GC: variants seen among roughly 807,000 people sequenced by gnomAD.
The protein encoded by GC is vitamin D-binding protein.
Under a neutral mutation model 56.7 loss-of-function variants are expected in GC, and 43 were observed. The ratio of observed to expected loss-of-function variants is 0.76; its 90% CI spans 0.59 to 0.98. The LOEUF (loss-of-function observed/expected upper bound fraction) is 0.98. Among genes scored for constraint, GC ranks in the 50% least tolerant of loss-of-function variants. The probability of loss-of-function intolerance (pLI) is 0.00; values close to 1 mark genes in which losing one functional copy is unlikely to be tolerated. For missense variants in GC, 529 were observed against 545.9 expected (o/e 0.97, Z 0.31); for synonymous variants, 216 against 202.7 (o/e 1.07, Z -0.56).
At chr4:71,766,389 A>C (rs1245570569) in intron 3 of GC, among the ~76,000 whole-genome samples, 4 of 152,160 alleles carry the variant, frequency 2.6e-5, no homozygotes, top group Admixed American at 1.3e-4. Context: ...TGATACACTG[A>C]TACCTGTGAG....
intron 12 of GC, among the ~76,000 whole-genome samples, chr4:71,744,448 G>C (rs1319653526): frequency 6.4e-4 from 44 of 68,584 alleles, no homozygotes; most frequent in African/African-American, 2.0e-3. Flanking sequence ...GACAGAGCGA[G>C]ACTCCATCTC....
chr4:71,791,992 A>T (rs1467231077), intron 1 of GC, among the ~76,000 whole-genome samples: 1 of 152,188 alleles, frequency 6.6e-6, no homozygotes, highest in East Asian at 1.9e-4. Context: ...AAAGGATATG[A>T]ACTCATCCTT....
chr4:71,766,745 A>C (rs927680412), intron 3 of GC, among the ~76,000 whole-genome samples: 1 of 152,072 alleles, frequency 6.6e-6, no homozygotes, highest in African/African-American at 2.4e-5. Context: ...TTTTCATCCT[A>C]TCTCTCTTTT....
chr4:71,776,998 G>A (rs1742527729), intron 1 of GC, among the ~76,000 whole-genome samples: 1 of 151,764 alleles, frequency 6.6e-6, no homozygotes, highest in East Asian at 1.9e-4. Context: ...CCATTTAAAT[G>A]CATTTGAAGT....
upstream of GC, chr4:71,804,183 A>C: frequency 1.8e-6 from 1 of 560,112 alleles, no homozygotes; most frequent in East Asian, 3.0e-5. Flanking sequence ...TGCAGTGTAA[A>C]AGCAGCTAGG....
At chr4:71,751,411 T>C (rs1378971560) in intron 11 of GC, among the ~76,000 whole-genome samples, 1 of 152,190 alleles carries the variant, frequency 6.6e-6, no homozygotes, top group Non-Finnish European at 1.5e-5. Context: ...CTGTGGTTTA[T>C]AGGAGAAAAC....
At chr4:71,742,992 G>A (rs1449410779) in intron 12 of GC, among the ~76,000 whole-genome samples, 2 of 152,068 alleles carry the variant, frequency 1.3e-5, no homozygotes, top group East Asian at 1.9e-4. Context: ...CAGGGTGGGG[G>A]GTAAGAGACA....
At chr4:71,780,315 T>C (rs967939377) in intron 1 of GC, among the ~76,000 whole-genome samples, 5 of 152,094 alleles carry the variant, frequency 3.3e-5, no homozygotes, top group Admixed American at 6.6e-5. Flanking sequence ...ATTCAGGACA[T>C]AGGTGTGGAC....
rs369407688 is a variant in GC at position 71,797,667 on chromosome 4, T to A, written c.21+6259A>T. ...CCGCCCTGCTTTGGCTCGCCCTCCA[T>A]GGGCAGCACCCACTGTCCAACCAGT... On this transcript the variant is annotated intron_variant, in intron 1 of 13. Transcript: ENST00000504199. Among the ~76,000 whole-genome samples, 6 of 152,348 alleles carry A rather than the reference T, an allele frequency of 3.9e-5. No homozygotes were observed. The East Asian group carries it at 1.2e-3, about 29-fold the overall frequency.
chr4:71,768,590 C>T (rs560030979), intron 2 of GC, among the ~76,000 whole-genome samples, 157 bp from the exon 3 acceptor site: 16 of 152,198 alleles, frequency 1.1e-4, no homozygotes, highest in Admixed American at 2.0e-4. Context: ...CTCAGCCTCC[C>T]GAGTAGCTGG....
At chr4:71,750,635 A>G (rs1741518436) in intron 11 of GC, among the ~76,000 whole-genome samples, 1 of 152,182 alleles carries the variant, frequency 6.6e-6, no homozygotes, top group African/African-American at 2.4e-5. Flanking sequence ...CTGTAATCTC[A>G]GCACTTTGGG....
Position 71,755,170 on chromosome 4 carries a change from A to T in GC, c.1035-63T>A, listed in dbSNP as rs1199389303. 5.3e-6 allele frequency: 4 copies of T among 756,260 alleles called. No individual in the cohort carries two copies. The African/African-American group carries it at 5.6e-5, about 11-fold the overall frequency. The allele number at this position is 756,260 out of a possible 1,614,324, so 46.8% of individuals were successfully genotyped here. ...TTCCTATTTATTTATTTATTTATTT[A>T]TTTATTTTTTGTGACAGAGTCTCCC... is the stretch of plus-strand genomic sequence containing the variant. On this transcript the variant is annotated intron_variant, in intron 8 of 12. Coordinates refer to ENST00000273951, the MANE Select transcript of GC (RefSeq NM_000583.4).
At chr4:71,773,711 A>T (rs1397421552) in intron 1 of GC, among the ~76,000 whole-genome samples, 2 of 152,020 alleles carry the variant, frequency 1.3e-5, no homozygotes, top group African/African-American at 4.8e-5. Flanking sequence ...AATATCATTG[A>T]CATAAATAAG....
At chr4:71,743,342 T>A (rs1578274865) in intron 12 of GC, among the ~76,000 whole-genome samples, 1 of 152,298 alleles carries the variant, frequency 6.6e-6, no homozygotes, top group East Asian at 1.9e-4. Context: ...CTAAACAATG[T>A]GCCACTTCTG....
chr4:71,765,609 T>G lies in GC; in HGVS notation c.296A>C (p.Asn99Thr), dbSNP rs1248348301. 1.2e-6 allele frequency: 2 copies of G among 1,613,338 alleles called. No individual in the cohort carries two copies. The highest frequency in any genetic ancestry group is 1.7e-6 in the Non-Finnish European group (2 of 1,179,650). Residue 99 changes from asparagine to threonine, a missense_variant, in exon 4 of 13, where the codon AAT becomes ACT. Asn to Thr is a moderately conservative substitution (Grantham distance 65, BLOSUM62 0). Coordinates refer to ENST00000273951, the MANE Select transcript of GC (RefSeq NM_000583.4). ...SALSAKSCES[N>T]SPFPVHPGTA... Reference sequence around the variant, plus strand: ...GCCTGGGTGAACGGGGAATGGAGAATTACTTTCACAGGACTTGGCAGACAG... The same window carrying G: ...GCCTGGGTGAACGGGGAATGGAGAAGTACTTTCACAGGACTTGGCAGACAG...
At chr4:71,765,959 A>G (rs1367871647) in intron 3 of GC, among the ~76,000 whole-genome samples, 3 of 152,182 alleles carry the variant, frequency 2.0e-5, no homozygotes, top group African/African-American at 7.2e-5. Flanking sequence ...CCGTGGGGAT[A>G]TTAACATCTC....
At chr4:71,801,200 C>T (rs1017756910) in intron 1 of GC, among the ~76,000 whole-genome samples, 21 of 152,120 alleles carry the variant, frequency 1.4e-4, no homozygotes, top group African/African-American at 4.8e-4. Context: ...AGGGAAGATA[C>T]ACAAATCCAA....
chr4:71,783,892 T>A lies in GC; in HGVS notation c.58+69A>T, dbSNP rs181084620. The A allele has an allele frequency of 7.5e-4, 899 of 1,196,172 alleles. 3 individuals carry two copies. The highest frequency in any genetic ancestry group is 9.9e-4 in the Non-Finnish European group (853 of 860,400). The allele number at this position is 1,196,172 out of a possible 1,614,324, so 74.1% of individuals were successfully genotyped here. A position where few individuals can be genotyped will look rare whatever the true frequency, so the allele number is the denominator to read the frequency against. ...TCTGTTTCTTACTTTTTATTTCATT[T>A]TTTAAGTGATAATATAAAATTAAAC... is the stretch of plus-strand genomic sequence containing the variant. On this transcript the variant is annotated intron_variant, in intron 1 of 12. Coordinates refer to ENST00000273951, the MANE Select transcript of GC (RefSeq NM_000583.4).
intron 2 of GC, among the ~76,000 whole-genome samples, chr4:71,769,013 T>C (rs1412653356): frequency 6.6e-6 from 1 of 152,220 alleles, no homozygotes; most frequent in Non-Finnish European, 1.5e-5. Flanking sequence ...CTGTACCTCA[T>C]TGCCTTGGTT....
Sources: gnomAD v4.1 joint callset for allele counts (sites outside exome capture counted in the v4.1 genomes callset) on GRCh38, gnomAD v4.1.1 for gene constraint, MANE v1.5 for transcripts, NCBI Gene and HGNC (gene_info 2026-07-23, HGNC 2026-07-21) for gene names.